The following PARD3B variants were observed in gnomAD, a reference collection of about 807,000 sequenced individuals.
PARD3B encodes the protein par-3 family cell polarity regulator beta.
A neutral mutation model predicts 130.2 loss-of-function variants in PARD3B; 103 were observed. That is an observed-to-expected ratio of 0.79 (90% CI 0.67 to 0.93). The LOEUF (loss-of-function observed/expected upper bound fraction) is 0.93. Ranked by LOEUF, PARD3B falls within the 40% of genes least tolerant of loss-of-function variation. PARD3B has a pLI of 0.00. For synonymous variants in PARD3B, 583 were observed against 553.2 expected (o/e 1.05, Z -0.76); for missense variants, 1,609 against 1,499.2 (o/e 1.07, Z -1.21).
chr2:204,982,235 A>G (rs1332153382), intron 3 of PARD3B, among the ~76,000 whole-genome samples: 1 of 152,172 alleles, frequency 6.6e-6, no homozygotes, highest in East Asian at 1.9e-4. Context: ...AGAACCTTGA[A>G]ACCACTGTAA....
At chr2:205,437,353 C>G (rs919195131) in intron 19 of PARD3B, among the ~76,000 whole-genome samples, 66 of 152,142 alleles carry the variant, frequency 4.3e-4, no homozygotes, top group African/African-American at 1.4e-3. Flanking sequence ...CAGAAATACT[C>G]TTTAAGGAAG....
At chr2:205,471,361 T>C (rs1207268605) in intron 20 of PARD3B, among the ~76,000 whole-genome samples, 2 of 146,184 alleles carry the variant, frequency 1.4e-5, no homozygotes, top group East Asian at 2.0e-4. Flanking sequence ...TTCTTTTTTT[T>C]TTTTTTTTTT....
At chr2:204,845,029 T>C (rs1010803740) in intron 2 of PARD3B, among the ~76,000 whole-genome samples, 11 of 152,168 alleles carry the variant, frequency 7.2e-5, no homozygotes, top group African/African-American at 2.2e-4. Flanking sequence ...ACAGAGTATA[T>C]ATCTTAAAAG....
At chr2:205,047,503 A>T in intron 3 of PARD3B, 78 bp from the exon 4 acceptor site, 1 of 797,264 alleles carries the variant, frequency 1.3e-6, no homozygotes, top group Non-Finnish European at 2.0e-6. Context: ...TAAACCTTTT[A>T]AATTAAAGTG....
intron 16 of PARD3B, among the ~76,000 whole-genome samples, chr2:205,286,207 C>T (rs532186909): frequency 1.4e-4 from 22 of 152,090 alleles, no homozygotes; most frequent in Non-Finnish European, 2.9e-4. Flanking sequence ...AGACTGGCAT[C>T]CCTGTTAACT....
chr2:205,133,292 C>G (rs761803767), intron 10 of PARD3B, among the ~76,000 whole-genome samples: 3 of 152,070 alleles, frequency 2.0e-5, no homozygotes. Flanking sequence ...TTTACAGTAT[C>G]GTGTTAAAGT....
chr2:204,984,191 A>G (rs1692929084), intron 3 of PARD3B, among the ~76,000 whole-genome samples: 1 of 152,126 alleles, frequency 6.6e-6, no homozygotes, highest in South Asian at 2.1e-4. Context: ...CAAAAGAATT[A>G]ATAAAATATA....
chr2:204,790,894 C>T (rs1233559563), intron 2 of PARD3B, among the ~76,000 whole-genome samples: 2 of 152,116 alleles, frequency 1.3e-5, no homozygotes, highest in East Asian at 1.9e-4. Context: ...CACCTGAAGT[C>T]AGGACTTCGA....
At chr2:204,881,692 C>T (rs1239942538) in intron 2 of PARD3B, among the ~76,000 whole-genome samples, 1 of 152,118 alleles carries the variant, frequency 6.6e-6, no homozygotes, top group African/African-American at 2.4e-5. Flanking sequence ...CCAGGCCAGG[C>T]TAATGAAGGA....
intron 1 of PARD3B, among the ~76,000 whole-genome samples, chr2:204,629,192 A>G (rs1433516442): frequency 6.6e-6 from 1 of 152,172 alleles, no homozygotes; most frequent in Non-Finnish European, 1.5e-5. Context: ...AAAGAATACA[A>G]TGATTTTGAA....
chr2:205,438,715 GGTACC>G (rs2047606192), intron 19 of PARD3B, among the ~76,000 whole-genome samples: 1 of 152,126 alleles, frequency 6.6e-6, no homozygotes, highest in Non-Finnish European at 1.5e-5. Flanking sequence ...GCCCTTAACG[GGTACC>G]CTACTGTGTA....
chr2:205,135,428 A>G (rs1354659708), intron 10 of PARD3B, among the ~76,000 whole-genome samples: 1 of 152,240 alleles, frequency 6.6e-6, no homozygotes, highest in African/African-American at 2.4e-5. Flanking sequence ...AGCTGTTATC[A>G]AAGTAAATAC....
rs10596741 is a variant in PARD3B at position 204,636,453 on chromosome 2, A to AGTGTGTGT, written c.121-49698_121-49691dup. Reference sequence around the variant, plus strand: ...GAGCTAAGACTTTAGAGGTCAGGTGAGTGTGTGTGTGTGTGTGTGTGTGTG... The same window carrying AGTGTGTGT: ...GAGCTAAGACTTTAGAGGTCAGGTGAGTGTGTGTGTGTGTGTGTGTGTGTGTGTGTGTG... On this transcript the variant is annotated intron_variant, in intron 1 of 22. Coordinates refer to ENST00000406610, the MANE Select transcript of PARD3B (RefSeq NM_001302769.2). Among the ~76,000 whole-genome samples, 1,076 of 139,464 alleles carry AGTGTGTGT rather than the reference A, an allele frequency of 7.7e-3. 14 individuals carry two copies. Among genetic ancestry groups the AGTGTGTGT allele is most frequent in the African/African-American group, 0.025 (938 of 37,530 alleles). The allele number at this position is 139,464 out of a possible 152,430, so 91.5% of individuals were successfully genotyped here.
intron 2 of PARD3B, among the ~76,000 whole-genome samples, chr2:204,827,052 C>T (rs1047933790): frequency 1.3e-5 from 2 of 152,036 alleles, no homozygotes; most frequent in South Asian, 2.1e-4. Context: ...CATAGGTTTT[C>T]GTTCTTGTTC....
intron 18 of PARD3B, among the ~76,000 whole-genome samples, chr2:205,322,256 G>A (rs2042777570): frequency 6.6e-6 from 1 of 152,210 alleles, no homozygotes; most frequent in Admixed American, 6.5e-5. Context: ...TGCCTAGTCA[G>A]GAAGAGTGGT....
At chr2:205,522,398 A>G (rs745979769) in intron 21 of PARD3B, among the ~76,000 whole-genome samples, 13 of 151,878 alleles carry the variant, frequency 8.6e-5, no homozygotes, top group Non-Finnish European at 1.5e-4. Context: ...TTTATTATTA[A>G]TGTATGGTTT....
intron 2 of PARD3B, among the ~76,000 whole-genome samples, chr2:204,861,431 A>C (rs2125628289): frequency 6.6e-6 from 1 of 152,266 alleles, no homozygotes; most frequent in African/African-American, 2.4e-5. Flanking sequence ...AGAAAAACCA[A>C]TTCTATACAT....
rs180700281 is a variant in PARD3B, at chr2:205,424,559, T to A, written c.2742-15811T>A. 3.3e-3 allele frequency among the ~76,000 whole-genome samples: 502 copies of A among 152,136 alleles called. 1 individual carries two copies. Among genetic ancestry groups the A allele is most frequent in the Middle Eastern group, 0.017 (5 of 294 alleles). On this transcript the variant is annotated intron_variant, in intron 19 of 22. Transcript: ENST00000406610. Reference sequence around the variant, plus strand: ...GTGAGTCGGCTTTGAGAGATAAAGATCAAAGACTTGTCCAGGAGTGCACCA... The same window carrying A: ...GTGAGTCGGCTTTGAGAGATAAAGAACAAAGACTTGTCCAGGAGTGCACCA...
intron 3 of PARD3B, among the ~76,000 whole-genome samples, chr2:205,038,204 C>G (rs558693949): frequency 1.2e-4 from 18 of 152,244 alleles, no homozygotes; most frequent in African/African-American, 4.1e-4. Flanking sequence ...AATGCCAGAA[C>G]AAGAAATTGG....
Sources: gnomAD v4.1 joint callset for allele counts (sites outside exome capture counted in the v4.1 genomes callset) on GRCh38, gnomAD v4.1.1 for gene constraint, MANE v1.5 for transcripts, NCBI Gene and HGNC (gene_info 2026-07-23, HGNC 2026-07-21) for gene names.